The following SPECC1 variants were observed in gnomAD, a reference collection of about 807,000 sequenced individuals.
SPECC1 encodes sperm antigen with calponin homology and coiled-coil domains 1.
Under a neutral mutation model 104.1 loss-of-function variants are expected in SPECC1, and 62 were observed. The observed-to-expected ratio is 0.60, with a 90% CI of 0.49 to 0.74. The LOEUF (loss-of-function observed/expected upper bound fraction) is 0.74. SPECC1 is among the 30% of genes least tolerant of loss of function. The pLI is 0.00. For missense variants in SPECC1, 1,306 were observed against 1,310.5 expected (o/e 1.00, Z 0.05); for synonymous variants, 513 against 501.6 (o/e 1.02, Z -0.30).
intron 12 of SPECC1, among the ~76,000 whole-genome samples, chr17:20,287,253 G>T (rs976413360): frequency 3.3e-5 from 5 of 151,814 alleles, no homozygotes; most frequent in African/African-American, 4.8e-5. Context: ...CCGTCTCTAC[G>T]AAAAATACAA....
intron 3 of SPECC1, chr17:20,185,003 C>G (rs1024852981): frequency 3.3e-5 from 5 of 152,246 alleles, no homozygotes; most frequent in African/African-American, 1.2e-4. Context: ...GGCTTTATAG[C>G]TGTCTTCACT....
intron 1 of SPECC1, among the ~76,000 whole-genome samples, chr17:20,051,119 T>TC (rs1307857323): frequency 3.2e-5 from 4 of 125,958 alleles, no homozygotes; most frequent in Non-Finnish European, 5.2e-5. Flanking sequence ...TTTCTTTCTT[T>TC]CTTTCTTTCT....
At chr17:20,250,244 CAAAA>C (rs972321175) in intron 9 of SPECC1, among the ~76,000 whole-genome samples, 53 of 152,242 alleles carry the variant, frequency 3.5e-4, no homozygotes, top group Admixed American at 1.8e-3. Context: ...AAGGTGAACA[CAAAA>C]GAAAGATGCT....
chr17:20,150,133 C>G (rs985126579), intron 3 of SPECC1, among the ~76,000 whole-genome samples: 18 of 151,530 alleles, frequency 1.2e-4, no homozygotes, highest in African/African-American at 4.1e-4. Context: ...CCACCACGCC[C>G]GGCTAATTTT....
Position 20,277,746 on chromosome 17 carries a change from C to A in SPECC1, c.2940+17452C>A, listed in dbSNP as rs189847935. Among the ~76,000 whole-genome samples, 302 of 152,274 alleles carry A rather than the reference C, an allele frequency of 2.0e-3. 2 individuals are homozygous for A. The highest frequency in any genetic ancestry group is 6.7e-3 in the African/African-American group (279 of 41,560). On this transcript the variant is annotated intron_variant, in intron 12 of 14. Coordinates refer to ENST00000395527, the MANE Select transcript of SPECC1 (RefSeq NM_001243439.2). ...ACGGGGTAGGGGACTCCATATTCCCCGCCCTCAGCGCCTAACCACCGTTCC... is the reference window on the plus strand; with the variant it reads ...ACGGGGTAGGGGACTCCATATTCCCAGCCCTCAGCGCCTAACCACCGTTCC...
rs1454204477 is a variant in SPECC1 at position 20,296,969 on chromosome 17, C to A, written c.2949C>A (p.Asp983Glu). Reference sequence around the variant, plus strand: ...ACTTTTCTCTCCTGCAGAACATTGACATCACCAATTTCAGCAGCAGCTGGA... The same window carrying A: ...ACTTTTCTCTCCTGCAGAACATTGAAATCACCAATTTCAGCAGCAGCTGGA... The part of the protein sequence containing the change: ...QKKTQGYANI[D>E]ITNFSSSWSD... Residue 983 changes from aspartate (D) to glutamate (E), a missense_variant, in exon 13 of 15, where the codon GAC (aspartate) becomes GAA (glutamate). Coordinates refer to ENST00000395527, the MANE Select transcript of SPECC1 (RefSeq NM_001243439.2). 1 of 1,614,016 alleles carries A rather than the reference C, an allele frequency of 6.2e-7. No homozygotes were observed. The highest frequency in any genetic ancestry group is 8.5e-7 in the Non-Finnish European group (1 of 1,179,998).
At chr17:20,072,696 G>A (rs1407760388) in intron 1 of SPECC1, among the ~76,000 whole-genome samples, 3 of 152,214 alleles carry the variant, frequency 2.0e-5, no homozygotes, top group African/African-American at 7.2e-5. Context: ...CTATGTCACA[G>A]AGGCTCTGCA....
At chr17:20,049,727 T>C (rs2045668883) in intron 1 of SPECC1, among the ~76,000 whole-genome samples, 1 of 152,204 alleles carries the variant, frequency 6.6e-6, no homozygotes, top group East Asian at 1.9e-4. Flanking sequence ...TTTTATATTA[T>C]AGGCATTCCC....
chr17:20,253,390 A>T, intron 9 of SPECC1, 115 bp from the exon 10 acceptor site: 1 of 937,610 alleles, frequency 1.1e-6, no homozygotes, highest in African/African-American at 1.7e-5. Flanking sequence ...TCCCCTGGTT[A>T]TTCCACTGTG....
At chr17:20,221,830 G>A (rs1464767882) in intron 4 of SPECC1, among the ~76,000 whole-genome samples, 1 of 151,946 alleles carries the variant, frequency 6.6e-6, no homozygotes, top group Non-Finnish European at 1.5e-5. Context: ...GCTTTGGTAT[G>A]TTGTGTTTCC....
At chr17:20,096,486 G>A (rs2152505065) in intron 1 of SPECC1, 145 bp from the exon 2 acceptor site, 1 of 969,806 alleles carries the variant, frequency 1.0e-6, no homozygotes, top group Admixed American at 2.5e-5. Context: ...ACCCATCTTA[G>A]GAATATTCTA....
chr17:20,161,431 A>G (rs1274531485), intron 3 of SPECC1, among the ~76,000 whole-genome samples: 1 of 152,102 alleles, frequency 6.6e-6, no homozygotes, highest in Non-Finnish European at 1.5e-5. Context: ...CTGTTCCATA[A>G]TTAGTATTAG....
At chr17:20,152,229 G>A (rs1176608645) in intron 3 of SPECC1, among the ~76,000 whole-genome samples, 1 of 152,172 alleles carries the variant, frequency 6.6e-6, no homozygotes, top group Non-Finnish European at 1.5e-5. Flanking sequence ...AAACCCAGGA[G>A]GCGGAGATTG....
chr17:20,051,040 G>A (rs1443599095), intron 1 of SPECC1, among the ~76,000 whole-genome samples: 1 of 150,826 alleles, frequency 6.6e-6, no homozygotes, highest in Non-Finnish European at 1.5e-5. Flanking sequence ...TCCCAAATAA[G>A]CACTTGGTTC....
chr17:20,046,929 T>C lies in SPECC1; in HGVS notation c.-22+37505T>C, dbSNP rs145552735. 4.3e-3 allele frequency among the ~76,000 whole-genome samples: 658 copies of C among 151,922 alleles called. 1 individual carries two copies. The highest frequency in any genetic ancestry group is 0.021 in the Middle Eastern group (6 of 292). On this transcript the variant is annotated intron_variant, in intron 1 of 14. Transcript: ENST00000395527. ...CACTGGAGGGCTCTGACTTGGGTGT[T>C]GATGTGGTCACTCTGCTATGCTGAG...
At chr17:20,021,581 A>ACC (rs1421507403) in intron 1 of SPECC1, among the ~76,000 whole-genome samples, 1 of 151,242 alleles carries the variant, frequency 6.6e-6, no homozygotes, top group Non-Finnish European at 1.5e-5. Flanking sequence ...ACTTAATATA[A>ACC]CCAAGTACTG....
rs1191165805 is a variant in SPECC1, at chr17:20,247,281, G to A, written c.2560G>A (p.Val854Met). 4 of 1,613,880 alleles carry A rather than the reference G, an allele frequency of 2.5e-6. No homozygotes were observed. Among genetic ancestry groups the A allele is most frequent in the Admixed American group, 1.7e-5 (1 of 59,996 alleles). ...TPRSPLSGIPVRTAPAAAVSP... is the reference protein window; with the variant it reads ...TPRSPLSGIPMRTAPAAAVSP... ...CAGAAGTCCCCTAAGTGGGATACCA[G>A]TGAGGACTGCTCCAGCAGCTGCTGT... Residue 854 changes from valine to methionine, a missense_variant, in exon 9 of 15, where the codon GTG becomes ATG. Val to Met is a conservative substitution (Grantham distance 21). This residue lies in a region of SPECC1 where 1,177 missense variants were observed against 1,139.9 expected (regional missense o/e 1.03). Coordinates refer to ENST00000395527, the MANE Select transcript of SPECC1 (RefSeq NM_001243439.2).
At chr17:20,160,054 T>A (rs1182666352) in intron 3 of SPECC1, among the ~76,000 whole-genome samples, 1 of 152,226 alleles carries the variant, frequency 6.6e-6, no homozygotes, top group African/African-American at 2.4e-5. Flanking sequence ...AGTACCAGCT[T>A]ATTATTTGTT....
At chr17:20,203,014 G>A (rs990448989) in intron 3 of SPECC1, among the ~76,000 whole-genome samples, 1 of 152,074 alleles carries the variant, frequency 6.6e-6, no homozygotes, top group African/African-American at 2.4e-5. Context: ...GATTCAGGAT[G>A]TTTAGGTGTG....
Sources: allele counts gnomAD v4.1 joint callset (sites outside exome capture counted in the v4.1 genomes callset), GRCh38; gene constraint gnomAD v4.1.1; regional missense constraint gnomAD v4.1.1; transcripts MANE v1.5; gene names NCBI Gene and HGNC (gene_info 2026-07-23, HGNC 2026-07-21).